The following TANGO6 variants were observed in gnomAD, a reference collection of about 807,000 sequenced individuals.
The protein encoded by TANGO6 is transport and Golgi organization protein 6 homolog.
In TANGO6, 90 loss-of-function variants were observed where a neutral mutation model predicts 114.2. The observed-to-expected ratio is 0.79, with a 90% CI of 0.66 to 0.94. TANGO6 has a LOEUF of 0.94. TANGO6 is among the 40% of genes least tolerant of loss of function. TANGO6 has a pLI of 0.00. For missense variants in TANGO6, 1,274 were observed against 1,315.3 expected, an observed-to-expected ratio of 0.97 and a Z score of 0.49; for synonymous variants, 477 against 509.8, an observed-to-expected ratio of 0.94 and a Z score of 0.87.
intron 12 of TANGO6, among the ~76,000 whole-genome samples, chr16:68,925,867 G>GTCTT (rs34152547): frequency 0.71 from 105,029 of 148,092 alleles, 38,617 homozygotes; most frequent in African/African-American, 0.93. Context: ...TGAAAAAACT[G>GTCTT]TCTTTTCTAC....
chr16:68,970,102 C>T (rs1597041543), intron 14 of TANGO6, among the ~76,000 whole-genome samples: 1 of 152,166 alleles, frequency 6.6e-6, no homozygotes, highest in African/African-American at 2.4e-5. Flanking sequence ...AAGATCCTAA[C>T]TGGCCAGCCT....
At chr16:69,031,048 C>T (rs989477242) in intron 16 of TANGO6, among the ~76,000 whole-genome samples, 3 of 151,700 alleles carry the variant, frequency 2.0e-5, no homozygotes, top group African/African-American at 4.8e-5. Context: ...GAGCAAGACT[C>T]GATCTCAAAA....
At chr16:68,877,467 C>CAA (rs35716789) in intron 5 of TANGO6, among the ~76,000 whole-genome samples, 75 of 85,792 alleles carry the variant, frequency 8.7e-4, no homozygotes, top group African/African-American at 1.7e-3. Context: ...GACTCCATCT[C>CAA]AAAAAAAAAA....
chr16:68,932,166 C>G (rs563221921), intron 14 of TANGO6, among the ~76,000 whole-genome samples: 8 of 152,270 alleles, frequency 5.3e-5, no homozygotes, highest in Non-Finnish European at 8.8e-5. Context: ...TCTCAGCTCA[C>G]TGCAACCTCC....
chr16:68,946,947 C>A (rs563560617), intron 14 of TANGO6, among the ~76,000 whole-genome samples: 1 of 152,268 alleles, frequency 6.6e-6, no homozygotes, highest in African/African-American at 2.4e-5. Context: ...CCATTTCGAG[C>A]TAATTTTTGG....
intron 4 of TANGO6, among the ~76,000 whole-genome samples, chr16:68,873,704 G>A (rs1291308768): frequency 6.6e-6 from 1 of 152,152 alleles, no homozygotes; most frequent in Non-Finnish European, 1.5e-5. Flanking sequence ...ATGTGGATAT[G>A]CTTGGTAATT....
chr16:68,883,791 T>A (rs1597004159), intron 7 of TANGO6, among the ~76,000 whole-genome samples: 2 of 152,212 alleles, frequency 1.3e-5, no homozygotes, highest in South Asian at 4.1e-4. Context: ...TATGAGGGTA[T>A]AAAGTGAATC....
chr16:68,974,988 G>A (rs2152213237), intron 15 of TANGO6, among the ~76,000 whole-genome samples: 1 of 152,098 alleles, frequency 6.6e-6, no homozygotes, highest in Middle Eastern at 3.4e-3. Flanking sequence ...AGCCTGGGAG[G>A]TCGAGGCTGC....
At position 68,940,165 on chromosome 16, in the gene TANGO6, T is replaced by TCC. The variant is rs1219083294; in HGVS notation, c.2701+9870_2701+9871insCC. ...TTTATTTTGTTTTTCCTTCCTTCCT[T>TCC]TCTTCCTTCCTTCCTTCCTTCTTTT... On this transcript the variant is annotated intron_variant, in intron 14 of 17. Coordinates refer to ENST00000261778, the MANE Select transcript of TANGO6 (RefSeq NM_024562.2). Among the ~76,000 whole-genome samples, 16 of 150,472 alleles carry TCC rather than the reference T, an allele frequency of 1.1e-4. 1 individual carries two copies. Among genetic ancestry groups the TCC allele is most frequent in the Admixed American group, 8.0e-4 (12 of 14,914 alleles).
intron 14 of TANGO6, among the ~76,000 whole-genome samples, chr16:68,970,434 G>A (rs954318942): frequency 2.6e-5 from 4 of 152,078 alleles, no homozygotes; most frequent in African/African-American, 4.8e-5. Flanking sequence ...TTGGGAGGCC[G>A]AGGCAGGTGG....
chr16:68,903,921 C>CAA (rs879335112), intron 9 of TANGO6, among the ~76,000 whole-genome samples: 2 of 118,084 alleles, frequency 1.7e-5, no homozygotes, highest in Non-Finnish European at 1.8e-5. Flanking sequence ...GACTCTGTCT[C>CAA]AAAAAAAAAA....
chr16:69,075,458 T>TA (rs1188923637), intron 17 of TANGO6, among the ~76,000 whole-genome samples: 3 of 150,270 alleles, frequency 2.0e-5, no homozygotes, highest in African/African-American at 7.3e-5. Flanking sequence ...AACTTTTATT[T>TA]TTTTTTTTTT....
At chr16:69,008,421 G>A (rs188719084) in intron 15 of TANGO6, among the ~76,000 whole-genome samples, 9 of 152,188 alleles carry the variant, frequency 5.9e-5, no homozygotes, top group Admixed American at 3.9e-4. Flanking sequence ...TTGTACAGCC[G>A]AGATCTTGCT....
chr16:68,894,988 C>T (rs1962684972), intron 7 of TANGO6, among the ~76,000 whole-genome samples: 1 of 152,134 alleles, frequency 6.6e-6, no homozygotes, highest in African/African-American at 2.4e-5. Context: ...TGGTTCTGCC[C>T]TTTGCTAACA....
At chr16:68,981,513 TG>T (rs1406106115) in intron 15 of TANGO6, among the ~76,000 whole-genome samples, 1 of 152,170 alleles carries the variant, frequency 6.6e-6, no homozygotes, top group African/African-American at 2.4e-5. Context: ...ACCCAGCCAT[TG>T]CATTTCTTAA....
chr16:68,965,011 C>T (rs1963630971), intron 14 of TANGO6, among the ~76,000 whole-genome samples: 1 of 152,134 alleles, frequency 6.6e-6, no homozygotes, highest in Admixed American at 6.5e-5. Context: ...AAAGTGATTT[C>T]CTGCTGTGTT....
At chr16:68,901,039 G>C (rs1226837486) in intron 8 of TANGO6, among the ~76,000 whole-genome samples, 1 of 152,186 alleles carries the variant, frequency 6.6e-6, no homozygotes, top group Non-Finnish European at 1.5e-5. Flanking sequence ...CTTTGTCGTA[G>C]AATTTAAGTA....
rs1187615039 is a variant in TANGO6 at position 68,930,143 on chromosome 16, C to T, written c.2644-95C>T. The T allele has an allele frequency of 1.6e-5, 17 of 1,056,474 alleles. No homozygotes were observed. The South Asian group carries it at 2.3e-4, about 15-fold the overall frequency. The allele number at this position is 1,056,474 out of a possible 1,614,324, so 65.4% of individuals were successfully genotyped here. ...GTTTCTACCCAAGAAAAACAAGAAG[C>T]GAAGCATTTACTCCTTTGAGCTGCT... On this transcript the variant is annotated intron_variant, in intron 13 of 17. Coordinates refer to ENST00000261778, the MANE Select transcript of TANGO6 (RefSeq NM_024562.2).
chr16:68,893,757 C>CAAAAAAAAAAAAAAAAAAAAGAAA (rs796651419), intron 7 of TANGO6, among the ~76,000 whole-genome samples: 1 of 84,192 alleles, frequency 1.2e-5, no homozygotes. Flanking sequence ...AGAAAACAAC[C>CAAAAAAAAAAAAAAAAAAAAGAAA]AAAAAAAAAA....
Sources: allele counts gnomAD v4.1 joint callset (sites outside exome capture counted in the v4.1 genomes callset), GRCh38; gene constraint gnomAD v4.1.1; transcripts MANE v1.5; gene names NCBI Gene and HGNC (gene_info 2026-07-23, HGNC 2026-07-21).